KCNJ6: variants seen among roughly 807,000 people sequenced by gnomAD.
KCNJ6 encodes the protein potassium inwardly rectifying channel subfamily J member 6, also known as G protein-activated inward rectifier potassium channel 2.
KCNJ6 carries 9 observed loss-of-function variants against 34.2 expected under a neutral mutation model. The ratio of observed to expected loss-of-function variants is 0.26; its 90% CI spans 0.16 to 0.46. The LOEUF is 0.46. KCNJ6 is among the 20% of genes least tolerant of loss of function. The probability of loss-of-function intolerance (pLI) is 1.00; values close to 1 mark genes in which losing one functional copy is unlikely to be tolerated. For missense variants in KCNJ6, 236 were observed against 531.3 expected (o/e 0.44, Z 5.46); for synonymous variants, 196 against 207.1 (o/e 0.95, Z 0.46).
At chr21:37,626,668 T>C (rs1405166978) in intron 3 of KCNJ6, among the ~76,000 whole-genome samples, 3 of 152,178 alleles carry the variant, frequency 2.0e-5, no homozygotes, top group Non-Finnish European at 4.4e-5. Flanking sequence ...AAAGAAATCT[T>C]TTATACAAAT....
chr21:37,904,699 T>C (rs1439479923), intron 1 of KCNJ6, among the ~76,000 whole-genome samples: 1 of 152,182 alleles, frequency 6.6e-6, no homozygotes, highest in African/African-American at 2.4e-5. Context: ...TGAGTTTTAC[T>C]TCATGGGCAG....
intron 3 of KCNJ6, among the ~76,000 whole-genome samples, chr21:37,700,191 T>G (rs1339835115): frequency 2.6e-5 from 4 of 152,102 alleles, no homozygotes; most frequent in Non-Finnish European, 5.9e-5. Flanking sequence ...ATCATGGAGA[T>G]TTGCAGAAAC....
chr21:37,732,628 G>A (rs191573917), intron 2 of KCNJ6, among the ~76,000 whole-genome samples: 2 of 152,186 alleles, frequency 1.3e-5, no homozygotes, highest in Admixed American at 6.5e-5. Context: ...ATTCCACCAC[G>A]TCATGGGTTC....
intron 2 of KCNJ6, among the ~76,000 whole-genome samples, chr21:37,741,649 G>T (rs974975082): frequency 1.3e-5 from 2 of 152,122 alleles, no homozygotes; most frequent in Non-Finnish European, 2.9e-5. Context: ...CCTGATGATT[G>T]TTCCTTCTTT....
chr21:37,750,992 C>T (rs1471514058), intron 2 of KCNJ6, among the ~76,000 whole-genome samples: 1 of 152,132 alleles, frequency 6.6e-6, no homozygotes, highest in Non-Finnish European at 1.5e-5. Flanking sequence ...TTAAGGTAAA[C>T]AAAATTTACT....
chr21:37,865,705 T>C (rs2055619276), intron 1 of KCNJ6, among the ~76,000 whole-genome samples: 1 of 152,252 alleles, frequency 6.6e-6, no homozygotes, highest in Non-Finnish European at 1.5e-5. Flanking sequence ...TCAGGCACTT[T>C]CCCACTGTCT....
chr21:37,701,085 T>A (rs1036501923), intron 3 of KCNJ6, among the ~76,000 whole-genome samples: 3 of 152,178 alleles, frequency 2.0e-5, no homozygotes, highest in Non-Finnish European at 4.4e-5. Flanking sequence ...CCAATGGAGA[T>A]GCCCAGGAGG....
At chr21:37,657,979 T>C (rs1349735137) in intron 3 of KCNJ6, among the ~76,000 whole-genome samples, 1 of 152,242 alleles carries the variant, frequency 6.6e-6, no homozygotes, top group Non-Finnish European at 1.5e-5. Context: ...TGCCTTGCCT[T>C]GCAGGGCTGG....
intron 2 of KCNJ6, among the ~76,000 whole-genome samples, chr21:37,798,534 A>T (rs759296149): frequency 6.6e-6 from 1 of 152,234 alleles, no homozygotes; most frequent in Non-Finnish European, 1.5e-5. Context: ...ATGTACATCA[A>T]CCGATCAGTG....
chr21:37,774,716 A>G (rs1469885544), intron 2 of KCNJ6, among the ~76,000 whole-genome samples: 1 of 152,170 alleles, frequency 6.6e-6, no homozygotes, highest in Non-Finnish European at 1.5e-5. Flanking sequence ...TCCATGGTGT[A>G]TATGTGCCAC....
chr21:37,742,511 T>C (rs112423071), intron 2 of KCNJ6, among the ~76,000 whole-genome samples: 1 of 7,164 alleles, frequency 1.4e-4, no homozygotes, highest in African/African-American at 2.3e-3. Flanking sequence ...AGAAAAATAT[T>C]AAAAAGAAAA....
chr21:37,721,540 C>T (rs1269652336), intron 2 of KCNJ6, among the ~76,000 whole-genome samples: 4 of 152,158 alleles, frequency 2.6e-5, no homozygotes, highest in Admixed American at 2.0e-4. Context: ...AGAAATGAAT[C>T]GCTAAACAAA....
chr21:37,657,217 C>T (rs2123394519), intron 3 of KCNJ6, among the ~76,000 whole-genome samples: 1 of 152,234 alleles, frequency 6.6e-6, no homozygotes, highest in Middle Eastern at 3.4e-3. Context: ...CCTGTGCTGG[C>T]TAGAGTCATG....
intron 2 of KCNJ6, among the ~76,000 whole-genome samples, chr21:37,722,316 C>A (rs1297249002): frequency 6.6e-6 from 1 of 152,104 alleles, no homozygotes; most frequent in East Asian, 1.9e-4. Context: ...GAAAAACATC[C>A]CATGCTCATG....
chr21:37,874,037 G>A (rs1328866468), intron 1 of KCNJ6, among the ~76,000 whole-genome samples: 2 of 151,946 alleles, frequency 1.3e-5, no homozygotes, highest in East Asian at 1.9e-4. Context: ...TAGAAAACTC[G>A]GCCATACTTG....
chr21:37,620,841 A>C lies in KCNJ6; in HGVS notation c.*4318T>G, dbSNP rs1035367070. On this transcript the variant is annotated 3_prime_UTR_variant, in exon 4 of 4. Coordinates refer to ENST00000609713, the MANE Select transcript of KCNJ6 (RefSeq NM_002240.5). ...TTATTATATATTCTGTGATTTATCA[A>C]AATCTCTTAGCAGCCTTCTGACAGA... 1 of 152,220 alleles carries C rather than the reference A, an allele frequency of 6.6e-6. No individual in the cohort carries two copies. The highest frequency in any genetic ancestry group is 1.5e-5 in the Non-Finnish European group (1 of 68,034). 9.4% of individuals were successfully genotyped at this position (152,220 alleles called of 1,614,324 possible). A position where few individuals can be genotyped will look rare whatever the true frequency, so the allele number is the denominator to read the frequency against.
At chr21:37,742,283 C>A (rs1021944690) in intron 2 of KCNJ6, among the ~76,000 whole-genome samples, 1 of 152,210 alleles carries the variant, frequency 6.6e-6, no homozygotes, top group Non-Finnish European at 1.5e-5. Context: ...TGACTTACAA[C>A]AGGCTGGCTT....
chr21:37,732,464 A>C (rs988358723), intron 2 of KCNJ6, among the ~76,000 whole-genome samples: 8 of 152,214 alleles, frequency 5.3e-5, no homozygotes, highest in African/African-American at 1.7e-4. Flanking sequence ...CTTAGATTCC[A>C]GAATTGTGGA....
At chr21:37,803,735 G>A (rs1352693098) in intron 2 of KCNJ6, among the ~76,000 whole-genome samples, 1 of 152,098 alleles carries the variant, frequency 6.6e-6, no homozygotes, top group African/African-American at 2.4e-5. Flanking sequence ...AAATTAAAAT[G>A]AACACACGAC....
Sources: allele counts gnomAD v4.1 joint callset (sites outside exome capture counted in the v4.1 genomes callset), GRCh38; gene constraint gnomAD v4.1.1; transcripts MANE v1.5; gene names NCBI Gene and HGNC (gene_info 2026-07-23, HGNC 2026-07-21).